Variants in SYT1 observed in about 807,000 individuals in gnomAD.
SYT1 encodes synaptotagmin 1.
SYT1 carries 8 observed loss-of-function variants against 44.8 expected under a neutral mutation model. That is an observed-to-expected ratio of 0.18 (90% CI 0.10 to 0.32). The LOEUF (loss-of-function observed/expected upper bound fraction) is 0.32, where lower values mean the gene tolerates loss of function less well. SYT1 is among the 10% of genes least tolerant of loss of function. The pLI, the probability that SYT1 is intolerant of heterozygous loss-of-function variation, is 1.00. For missense variants in SYT1, 286 were observed against 509.3 expected, an observed-to-expected ratio of 0.56 and a Z score of 4.22; for synonymous variants, 154 against 188.8, an observed-to-expected ratio of 0.82 and a Z score of 1.51.
chr12:79,220,273 T>A (rs1252901558), intron 4 of SYT1, among the ~76,000 whole-genome samples: 5 of 152,024 alleles, frequency 3.3e-5, no homozygotes, highest in African/African-American at 1.2e-4. Flanking sequence ...TCTCCTTTTT[T>A]GTTTCTTATT....
At chr12:79,223,098 C>G (rs955963734) in intron 4 of SYT1, among the ~76,000 whole-genome samples, 1 of 152,150 alleles carries the variant, frequency 6.6e-6, no homozygotes, top group East Asian at 1.9e-4. Context: ...GCATTTTATA[C>G]CTCTCCATTT....
At chr12:79,437,721 G>A (rs1870171498) in intron 9 of SYT1, among the ~76,000 whole-genome samples, 1 of 152,174 alleles carries the variant, frequency 6.6e-6, no homozygotes, top group East Asian at 1.9e-4. Flanking sequence ...TAACACCAGT[G>A]TTGGTGAAGA....
chr12:79,302,663 T>C (rs1249972253), intron 8 of SYT1, among the ~76,000 whole-genome samples: 53 of 152,224 alleles, frequency 3.5e-4, no homozygotes, highest in Admixed American at 3.5e-3. Flanking sequence ...GGTGGAAACA[T>C]CACTGGTGAG....
intron 4 of SYT1, among the ~76,000 whole-genome samples, chr12:79,230,773 T>G (rs897449049): frequency 6.6e-6 from 1 of 152,128 alleles, no homozygotes; most frequent in Non-Finnish European, 1.5e-5. Flanking sequence ...CCAAGTAAAT[T>G]AAAATCGCAA....
At chr12:79,239,963 A>G (rs779558295) in intron 4 of SYT1, among the ~76,000 whole-genome samples, 1 of 152,198 alleles carries the variant, frequency 6.6e-6, no homozygotes, top group African/African-American at 2.4e-5. Flanking sequence ...AGGGCTTGCA[A>G]CTGGGCTCAC....
intron 1 of SYT1, among the ~76,000 whole-genome samples, chr12:78,898,850 C>G (rs150563987): frequency 2.0e-5 from 3 of 152,040 alleles, no homozygotes; most frequent in African/African-American, 7.2e-5. Flanking sequence ...TTTTAACATG[C>G]GTGCATTTGA....
intron 9 of SYT1, among the ~76,000 whole-genome samples, chr12:79,426,103 T>C (rs1869431765): frequency 6.6e-6 from 1 of 152,100 alleles, no homozygotes; most frequent in Non-Finnish European, 1.5e-5. Context: ...AAATAGCCTT[T>C]CTGAAACCAG....
At chr12:79,036,432 A>T (rs1442184523) in intron 2 of SYT1, 1 of 151,840 alleles carries the variant, frequency 6.6e-6, no homozygotes, top group Non-Finnish European at 1.5e-5. Context: ...CTCTACAATG[A>T]GTAGTCTCAA....
At chr12:79,153,603 A>G (rs1378828410) in intron 3 of SYT1, among the ~76,000 whole-genome samples, 1 of 152,118 alleles carries the variant, frequency 6.6e-6, no homozygotes, top group Non-Finnish European at 1.5e-5. Flanking sequence ...ATGATAATCA[A>G]ACTATGCAGC....
At chr12:79,063,499 A>G (rs774909490) in intron 3 of SYT1, among the ~76,000 whole-genome samples, 12 of 152,142 alleles carry the variant, frequency 7.9e-5, no homozygotes, top group African/African-American at 1.2e-4. Flanking sequence ...TTTCAAAGAC[A>G]TTCCACTGTG....
chr12:78,876,289 A>G (rs1874064144), intron 1 of SYT1, among the ~76,000 whole-genome samples: 1 of 151,402 alleles, frequency 6.6e-6, no homozygotes, highest in Admixed American at 6.6e-5. Flanking sequence ...ATGATAGTAA[A>G]CCAGTTGCCT....
At chr12:78,903,223 T>TA (rs1008882490) in intron 1 of SYT1, among the ~76,000 whole-genome samples, 2 of 151,298 alleles carry the variant, frequency 1.3e-5, no homozygotes, top group Non-Finnish European at 2.9e-5. Flanking sequence ...TGTTTTATAT[T>TA]AAAAAAAGAG....
At chr12:79,172,990 AAAAAAAAAAAAAAAAAG>A (rs1164736996) in intron 3 of SYT1, among the ~76,000 whole-genome samples, 4 of 143,128 alleles carry the variant, frequency 2.8e-5, no homozygotes, top group African/African-American at 1.1e-4. Context: ...AAAAAAAAAA[AAAAAAAAAAAAAAAAAG>A]GGAGTTTGGC....
intron 2 of SYT1, among the ~76,000 whole-genome samples, chr12:79,006,494 T>C (rs552171875): frequency 1.2e-4 from 18 of 152,280 alleles, no homozygotes; most frequent in African/African-American, 4.3e-4. Context: ...GTCATGTTAC[T>C]AAGAATGATG....
chr12:79,214,193 A>T (rs1365626911), intron 3 of SYT1, among the ~76,000 whole-genome samples: 1 of 152,150 alleles, frequency 6.6e-6, no homozygotes, highest in Non-Finnish European at 1.5e-5. Context: ...GTATTTTATG[A>T]TTTTTTTAAA....
At chr12:79,021,185 A>G (rs1048253751) in intron 2 of SYT1, among the ~76,000 whole-genome samples, 1 of 151,966 alleles carries the variant, frequency 6.6e-6, no homozygotes, top group Non-Finnish European at 1.5e-5. Context: ...ACCATTTTGT[A>G]TGGTTGAGCT....
At chr12:79,307,755 G>C (rs1034619841) in intron 8 of SYT1, among the ~76,000 whole-genome samples, 1 of 152,220 alleles carries the variant, frequency 6.6e-6, no homozygotes, top group African/African-American at 2.4e-5. Context: ...ACATTGGAAT[G>C]GCCTTGCCTA....
intron 9 of SYT1, among the ~76,000 whole-genome samples, chr12:79,365,420 T>C (rs1045159441): frequency 2.0e-5 from 3 of 151,976 alleles, no homozygotes; most frequent in Non-Finnish European, 4.4e-5. Context: ...AAATGAGACC[T>C]AAATAAATAG....
intron 3 of SYT1, among the ~76,000 whole-genome samples, chr12:79,117,938 G>T (rs1180428992): frequency 1.3e-5 from 2 of 151,436 alleles, no homozygotes; most frequent in Non-Finnish European, 2.9e-5. Flanking sequence ...TTCCACAAAT[G>T]GCTATCATCA....
Sources: gnomAD v4.1 joint callset for allele counts (sites outside exome capture counted in the v4.1 genomes callset) on GRCh38, gnomAD v4.1.1 for gene constraint, MANE v1.5 for transcripts, NCBI Gene and HGNC (gene_info 2026-07-23, HGNC 2026-07-21) for gene names.